The following APELA variants were observed in gnomAD, a reference collection of about 807,000 sequenced individuals.
APELA encodes apelin receptor early endogenous ligand.
Position 164,877,284 on chromosome 4 carries a change from G to C in APELA, c.-48G>C, listed in dbSNP as rs142049941. On this transcript the variant is annotated 5_prime_UTR_variant, in exon 1 of 3. Transcript: ENST00000507152. ...ATATTGCACAGACTATTTACAGATC[G>C]TTTGGTTTACATTGAGAGTCATTGC... 1.5e-5 allele frequency: 6 copies of C among 398,670 alleles called. No homozygotes were observed. Among genetic ancestry groups the C allele is most frequent in the Non-Finnish European group, 2.7e-5 (6 of 225,890 alleles). The allele number at this position is 398,670 out of a possible 1,614,324, so 24.7% of individuals were successfully genotyped here.
At chr4:164,886,571 G>C (rs1488729522) in intron 2 of APELA, among the ~76,000 whole-genome samples, 1 of 152,032 alleles carries the variant, frequency 6.6e-6, no homozygotes, top group African/African-American at 2.4e-5. Context: ...TGCTTGAGCC[G>C]AGGGGTTGAG....
At chr4:164,892,370 A>G (rs1235359874) in intron 2 of APELA, among the ~76,000 whole-genome samples, 2 of 152,160 alleles carry the variant, frequency 1.3e-5, no homozygotes, top group East Asian at 3.8e-4. Flanking sequence ...ACACACATAT[A>G]TATGTATATA....
At chr4:164,879,863 T>C (rs974277918) in intron 2 of APELA, among the ~76,000 whole-genome samples, 1 of 152,222 alleles carries the variant, frequency 6.6e-6, no homozygotes, top group Non-Finnish European at 1.5e-5. Flanking sequence ...TCACCAATAG[T>C]AGTGATCTTG....
chr4:164,882,396 G>A (rs942090541), intron 2 of APELA, among the ~76,000 whole-genome samples: 4 of 152,042 alleles, frequency 2.6e-5, no homozygotes, highest in Admixed American at 2.6e-4. Context: ...GAGCCACTGC[G>A]CCTGGTCTAG....
chr4:164,884,112 A>G (rs1404253448), intron 2 of APELA, among the ~76,000 whole-genome samples: 1 of 27,572 alleles, frequency 3.6e-5, no homozygotes, highest in Non-Finnish European at 7.1e-5. Context: ...AATGAAAGAA[A>G]GAAAGAAAGA....
intron 2 of APELA, among the ~76,000 whole-genome samples, chr4:164,889,235 A>G (rs1161981688): frequency 6.6e-6 from 1 of 152,064 alleles, no homozygotes; most frequent in Non-Finnish European, 1.5e-5. Flanking sequence ...TAGGTATCAC[A>G]TTTCATTTAT....
chr4:164,882,603 A>G lies in APELA; in HGVS notation c.*1+3594A>G, dbSNP rs868365950. 2.6e-4 allele frequency among the ~76,000 whole-genome samples: 40 copies of G among 151,694 alleles called. 1 individual carries two copies. Among genetic ancestry groups the G allele is most frequent in the Non-Finnish European group, 1.5e-4 (10 of 67,966 alleles). On this transcript the variant is annotated intron_variant, in intron 2 of 2. Transcript: ENST00000507152. ...CATTATTATTATTATTATTAATTTC[A>G]TTATTATTATACTTAAAGTTTTAGG...
intron 2 of APELA, among the ~76,000 whole-genome samples, chr4:164,890,238 T>A (rs59512618): frequency 0.036 from 5,548 of 152,300 alleles, 276 homozygotes; most frequent in African/African-American, 0.11. Context: ...CATGTTTAAT[T>A]TTTTTCAGTT....
In APELA at chr4:164,896,113, A is replaced by G. The variant is rs1454592035; in HGVS notation, c.*699A>G. On this transcript the variant is annotated 3_prime_UTR_variant, in exon 3 of 3. Coordinates refer to ENST00000507152, the MANE Select transcript of APELA (RefSeq NM_001297550.2). ...AACCATTGTTTTTGTTTTTGTTTTG[A>G]AACAGAGTCTCACTCTGTTGCCCAA... is the stretch of plus-strand genomic sequence containing the variant. The G allele has an allele frequency of 6.6e-6, 1 of 152,130 alleles. No individual in the cohort carries two copies. Among genetic ancestry groups the G allele is most frequent in the African/African-American group, 2.4e-5 (1 of 41,442 alleles). The allele number at this position is 152,130 out of a possible 1,614,324, so 9.4% of individuals were successfully genotyped here.
At chr4:164,885,061 GA>G (rs1432669303) in intron 2 of APELA, among the ~76,000 whole-genome samples, 3 of 152,100 alleles carry the variant, frequency 2.0e-5, no homozygotes, top group African/African-American at 7.2e-5. Context: ...CCTGAAGGCC[GA>G]GGGTAGGTTT....
intron 2 of APELA, among the ~76,000 whole-genome samples, chr4:164,881,885 A>G (rs1271049017): frequency 6.6e-6 from 1 of 151,896 alleles, no homozygotes; most frequent in Admixed American, 6.6e-5. Flanking sequence ...AAAAAAAAAA[A>G]AAAGTTAGCC....
intron 2 of APELA, among the ~76,000 whole-genome samples, chr4:164,881,737 T>C (rs540176035): frequency 6.7e-4 from 102 of 152,158 alleles, no homozygotes; most frequent in African/African-American, 2.3e-3. Flanking sequence ...CTTTTATTTA[T>C]AAGTATGTAC....
intron 2 of APELA, among the ~76,000 whole-genome samples, chr4:164,888,342 G>T (rs183889256): frequency 2.0e-4 from 30 of 152,328 alleles, no homozygotes; most frequent in African/African-American, 7.0e-4. Context: ...AAACAGAGAA[G>T]GCTTTAGGTA....
chr4:164,881,521 G>A lies in APELA; in HGVS notation c.*1+2512G>A, dbSNP rs144439764. ...CACAGAAAATTACATGCTGTATGCC[G>A]TTCATTTCCTTGATTTTTTTTTCTC... is the stretch of plus-strand genomic sequence containing the variant. On this transcript the variant is annotated intron_variant, in intron 2 of 2. Coordinates refer to ENST00000507152, the MANE Select transcript of APELA (RefSeq NM_001297550.2). Among the ~76,000 whole-genome samples, 24 of 122,936 alleles carry A rather than the reference G, an allele frequency of 2.0e-4. No homozygotes were observed. In the South Asian group the frequency reaches 5.7e-3, roughly 29 times the overall value. The allele number at this position is 122,936 out of a possible 152,430, so 80.7% of individuals were successfully genotyped here.
chr4:164,888,737 T>C (rs1328649129), intron 2 of APELA, among the ~76,000 whole-genome samples: 1 of 152,232 alleles, frequency 6.6e-6, no homozygotes, highest in African/African-American at 2.4e-5. Context: ...TTCTTCGTAT[T>C]ATGGCTTCTA....
chr4:164,892,274 T>C lies in APELA; in HGVS notation c.*2-3142T>C, dbSNP rs537026581. Among the ~76,000 whole-genome samples, 4 of 152,200 alleles carry C rather than the reference T, an allele frequency of 2.6e-5. No individual in the cohort carries two copies. The East Asian group carries it at 7.7e-4, about 29-fold the overall frequency. ...GAAGTCAAGGCTGAGTGAGCTGTGA[T>C]CAAACCACTGCATTCTAGCCTGAGC... On this transcript the variant is annotated intron_variant, in intron 2 of 2. Transcript: ENST00000507152.
At chr4:164,882,444 T>A (rs1353276188) in intron 2 of APELA, among the ~76,000 whole-genome samples, 5 of 152,160 alleles carry the variant, frequency 3.3e-5, no homozygotes, top group Non-Finnish European at 5.9e-5. Flanking sequence ...ATCTTCATGG[T>A]GTAGAATATA....
At chr4:164,887,319 C>T (rs2111060897) in intron 2 of APELA, among the ~76,000 whole-genome samples, 1 of 152,208 alleles carries the variant, frequency 6.6e-6, no homozygotes, top group Admixed American at 6.5e-5. Context: ...TTACGGAAGA[C>T]ATGGCCAATC....
At chr4:164,887,027 C>T (rs1304640157) in intron 2 of APELA, among the ~76,000 whole-genome samples, 1 of 151,968 alleles carries the variant, frequency 6.6e-6, no homozygotes, top group Non-Finnish European at 1.5e-5. Context: ...GGGGTTTCAC[C>T]ATGTTGGCCA....
Sources: allele counts gnomAD v4.1 joint callset (sites outside exome capture counted in the v4.1 genomes callset), GRCh38; gene constraint gnomAD v4.1.1; transcripts MANE v1.5; gene names NCBI Gene and HGNC (gene_info 2026-07-23, HGNC 2026-07-21).